ABL1: variants seen among roughly 807,000 people sequenced by gnomAD.
The protein encoded by ABL1 is tyrosine-protein kinase ABL1.
ABL1 carries 11 observed loss-of-function variants against 94.7 expected under a neutral mutation model. The observed-to-expected ratio is 0.12, with a 90% CI of 0.07 to 0.19. The LOEUF is 0.19. ABL1 is among the 10% of genes least tolerant of loss of function. The probability of loss-of-function intolerance (pLI) is 1.00; values close to 1 mark genes in which losing one functional copy is unlikely to be tolerated. For synonymous variants in ABL1, 656 were observed against 622.4 expected, an observed-to-expected ratio of 1.05 and a Z score of -0.80; for missense variants, 1,082 against 1,489.4, an observed-to-expected ratio of 0.73 and a Z score of 4.50.
chr9:130,880,416 A>C lies in ABL1; in HGVS notation c.1514-84A>C, dbSNP rs1831431258. The C allele has an allele frequency of 1.3e-6, 2 of 1,509,538 alleles. No homozygotes were observed. The highest frequency in any genetic ancestry group is 2.8e-5 in the African/African-American group (2 of 71,934). The allele number at this position is 1,509,538 out of a possible 1,614,324, so 93.5% of individuals were successfully genotyped here. ...GTATGCAGATGAGCACTGTTACCTTACAAAGAAAGAGAACCACCACACCAA... is the reference window on the plus strand; with the variant it reads ...GTATGCAGATGAGCACTGTTACCTTCCAAAGAAAGAGAACCACCACACCAA... On this transcript the variant is annotated intron_variant, in intron 9 of 10. Transcript: ENST00000318560. The surrounding 1 kb of genome is among the most constrained non-coding windows in gnomAD (Gnocchi z 4.4).
chr9:130,885,626 G>A lies in ABL1; in HGVS notation c.3336G>A (p.Gln1112=). Residue 1112 remains glutamine, a synonymous_variant, in exon 11 of 11, where the codon CAG becomes CAA. Transcript: ENST00000318560. The part of the protein sequence containing the change: ...ATAGSGPAAT[Q]DFSKLLSSVK... ...CAGGCAGTGGTCCAGCGGCCACTCA[G>A]GACTTCAGCAAGCTCCTCAGTTCGG... 1 of 1,613,358 alleles carries A rather than the reference G, an allele frequency of 6.2e-7. No homozygotes were observed. Among genetic ancestry groups the A allele is most frequent in the South Asian group, 1.1e-5 (1 of 91,066 alleles).
chr9:130,718,576 G>A (rs945599620), intron 1 of ABL1, among the ~76,000 whole-genome samples: 1 of 152,078 alleles, frequency 6.6e-6, no homozygotes, highest in African/African-American at 2.4e-5. Context: ...AGTGTGACAA[G>A]GGCCTGAGAT....
At chr9:130,860,342 C>A (rs1831052127) in intron 3 of ABL1, among the ~76,000 whole-genome samples, 2 of 152,240 alleles carry the variant, frequency 1.3e-5, no homozygotes, top group Non-Finnish European at 2.9e-5. Flanking sequence ...TGAACTAAGT[C>A]ACAACAAGGT....
At chr9:130,821,845 T>A (rs867193384) in intron 1 of ABL1, among the ~76,000 whole-genome samples, 3,407 of 101,660 alleles carry the variant, frequency 0.034, 111 homozygotes, top group African/African-American at 0.12. Context: ...TTATTATTTT[T>A]TTTTTTTTTT....
Position 130,884,726 on chromosome 9 carries a change from C to A in ABL1, c.2436C>A (p.Asn812Lys), listed in dbSNP as rs370989546. Residue 812 changes from asparagine to lysine, a missense_variant, in exon 11 of 11, where the codon AAC becomes AAA. Coordinates refer to ENST00000318560, the MANE Select transcript of ABL1 (RefSeq NM_005157.6). The surrounding 1 kb of genome is among the most constrained non-coding windows in gnomAD (Gnocchi z 5.6). ...MESSPGSSPP[N>K]LTPKPLRRQV... is the part of the protein sequence containing the mutation. Reference sequence around the variant, plus strand: ...CCAGCCCGGGCTCCAGCCCGCCCAACCTGACTCCAAAACCCCTCCGGCGGC... The same window carrying A: ...CCAGCCCGGGCTCCAGCCCGCCCAAACTGACTCCAAAACCCCTCCGGCGGC... 36 of 1,612,490 alleles carry A rather than the reference C, an allele frequency of 2.2e-5. No individual in the cohort carries two copies. Among genetic ancestry groups the A allele is most frequent in the Non-Finnish European group, 3.1e-5 (36 of 1,179,930 alleles).
intron 1 of ABL1, among the ~76,000 whole-genome samples, chr9:130,720,687 C>T (rs1304668459): frequency 3.3e-5 from 5 of 152,136 alleles, no homozygotes; most frequent in Non-Finnish European, 7.3e-5. Context: ...TAGAATCTCT[C>T]TGGCTGCTAT....
chr9:130,740,552 T>C (rs1186338109), intron 1 of ABL1, among the ~76,000 whole-genome samples: 7 of 152,254 alleles, frequency 4.6e-5, no homozygotes, highest in Non-Finnish European at 8.8e-5. Flanking sequence ...GCAGGTGTTA[T>C]TATCTCACCA....
intron 1 of ABL1, among the ~76,000 whole-genome samples, chr9:130,841,073 T>C (rs998238379): frequency 2.0e-5 from 3 of 152,128 alleles, no homozygotes; most frequent in Admixed American, 2.0e-4. Flanking sequence ...GGAGAAAAAT[T>C]GTCTTGGGCC....
chr9:130,789,567 C>T (rs1042663638), intron 1 of ABL1, among the ~76,000 whole-genome samples: 18 of 151,830 alleles, frequency 1.2e-4, no homozygotes, highest in African/African-American at 2.2e-4. Context: ...AGATATCATG[C>T]GCAAGAGTCA....
intron 1 of ABL1, among the ~76,000 whole-genome samples, chr9:130,838,647 C>T (rs192399050): frequency 3.9e-5 from 6 of 152,292 alleles, no homozygotes; most frequent in African/African-American, 1.4e-4. Context: ...ATCTATTCAC[C>T]AGGACCGCAT....
chr9:130,838,271 T>G (rs1488328327), intron 1 of ABL1, among the ~76,000 whole-genome samples: 2 of 118,348 alleles, frequency 1.7e-5, no homozygotes. Flanking sequence ...GATGCTCTAC[T>G]GATGTCTCTT....
intron 1 of ABL1, among the ~76,000 whole-genome samples, chr9:130,756,560 C>T (rs894936787): frequency 1.3e-5 from 2 of 152,190 alleles, no homozygotes; most frequent in African/African-American, 4.8e-5. Context: ...ATTTTCTCTT[C>T]ACTTTTGGGA....
intron 1 of ABL1, among the ~76,000 whole-genome samples, chr9:130,785,928 T>TAAAAAAAAAAAAA (rs34333699): frequency 1.8e-5 from 1 of 56,658 alleles, no homozygotes. Flanking sequence ...GTCTCAAAAC[T>TAAAAAAAAAAAAA]AAAAAAAAAA....
chr9:130,785,928 TAAAA>T (rs34333699), intron 1 of ABL1, among the ~76,000 whole-genome samples: 3 of 56,686 alleles, frequency 5.3e-5, no homozygotes, highest in East Asian at 7.0e-4. Flanking sequence ...GTCTCAAAAC[TAAAA>T]AAAAAAAAAA....
In ABL1 at chr9:130,751,506, A is replaced by T. The variant is rs73656036; in HGVS notation, c.136+37051A>T. 8.7e-4 allele frequency among the ~76,000 whole-genome samples: 133 copies of T among 152,182 alleles called. 1 individual carries two copies. Among genetic ancestry groups the T allele is most frequent in the African/African-American group, 2.9e-3 (119 of 41,542 alleles). ...TATTATATAGCTAACAGTTATGGGG[A>T]GGGCTGAAAAAGCAGGTTCTTGGTT... On this transcript the variant is annotated intron_variant, in intron 1 of 10. Coordinates refer to the ABL1 transcript ENST00000372348.
At chr9:130,797,666 G>A (rs965363033) in intron 1 of ABL1, among the ~76,000 whole-genome samples, 1 of 152,146 alleles carries the variant, frequency 6.6e-6, no homozygotes, top group African/African-American at 2.4e-5. Flanking sequence ...ACCACGCCTG[G>A]CTTCCGTATT....
At chr9:130,749,730 T>A (rs1030231057) in intron 1 of ABL1, among the ~76,000 whole-genome samples, 8 of 152,192 alleles carry the variant, frequency 5.3e-5, no homozygotes, top group Middle Eastern at 6.3e-3. Context: ...GATGAGCTGA[T>A]GTCTGTGAAA....
intron 3 of ABL1, among the ~76,000 whole-genome samples, chr9:130,859,646 C>T (rs1172217529): frequency 7.5e-6 from 1 of 134,216 alleles, no homozygotes; most frequent in East Asian, 2.4e-4. Context: ...GTGTGGCTGT[C>T]AAAAGAAACG....
chr9:130,886,724 C>G lies in ABL1; in HGVS notation c.*1041C>G, dbSNP rs1395571758. The G allele has an allele frequency of 4.3e-6, 1 of 233,496 alleles. No individual in the cohort carries two copies. The highest frequency in any genetic ancestry group is 8.5e-6 in the Non-Finnish European group (1 of 118,000). The allele number at this position is 233,496 out of a possible 1,614,324, so 14.5% of individuals were successfully genotyped here. On this transcript the variant is annotated 3_prime_UTR_variant, in exon 11 of 11. Coordinates refer to ENST00000318560, the MANE Select transcript of ABL1 (RefSeq NM_005157.6). ...TCTTACAAGGCCCTTTCCTTTGGAA[C>G]AAGACAGCCTTCACTTTTCTGAGTT...
Sources: allele counts gnomAD v4.1 joint callset (sites outside exome capture counted in the v4.1 genomes callset), GRCh38; gene constraint gnomAD v4.1.1; non-coding constraint Gnocchi (gnomAD v3.1); transcripts MANE v1.5; gene names NCBI Gene and HGNC (gene_info 2026-07-23, HGNC 2026-07-21).